ANKIB1: variants seen among roughly 807,000 people sequenced by gnomAD.
ANKIB1 encodes ankyrin repeat and IBR domain containing 1.
In ANKIB1, 43 loss-of-function variants were observed where a neutral mutation model predicts 122.1. The ratio of observed to expected loss-of-function variants is 0.35; its 90% CI spans 0.28 to 0.45. ANKIB1 has a LOEUF of 0.45. Among genes scored for constraint, ANKIB1 ranks in the 20% least tolerant of loss-of-function variants. The probability of loss-of-function intolerance (pLI) is 1.00; values close to 1 mark genes in which losing one functional copy is unlikely to be tolerated. For missense variants in ANKIB1, 992 were observed against 1,329.5 expected (o/e 0.75, Z 3.95); for synonymous variants, 390 against 442.0 (o/e 0.88, Z 1.48).
intron 4 of ANKIB1, among the ~76,000 whole-genome samples, chr7:92,325,107 C>G (rs1238488658): frequency 6.6e-6 from 1 of 152,088 alleles, no homozygotes; most frequent in Non-Finnish European, 1.5e-5. Context: ...GAGTATTAGA[C>G]CTAGGTTGGG....
In ANKIB1 at chr7:92,386,636, C is replaced by T. The variant is rs761070166; in HGVS notation, c.1745C>T (p.Thr582Ile). The change falls in exon 12 of 20, where the codon ACT (threonine) becomes ATT (isoleucine). Residue 582 changes from threonine (T) to isoleucine (I), a missense_variant. Physicochemically the swap from Thr to Ile is moderately conservative, Grantham distance 89. Transcript: ENST00000265742. ...QHVEEQSKEM[T>I]VEAEKKHKRF... The stretch of plus-strand genomic sequence containing the variant: ...GTGGAGGAGCAATCCAAGGAAATGA[C>T]TGTGGAGGTAAAGAGAACCAATTAA... The T allele has an allele frequency of 6.9e-6, 11 of 1,600,000 alleles. No individual in the cohort carries two copies. The highest frequency in any genetic ancestry group is 5.1e-6 in the Non-Finnish European group (6 of 1,173,906).
intron 5 of ANKIB1, among the ~76,000 whole-genome samples, chr7:92,331,693 C>T (rs1239950086): frequency 6.6e-6 from 1 of 152,102 alleles, no homozygotes; most frequent in Non-Finnish European, 1.5e-5. Context: ...ATGAGCCACT[C>T]CTGTAAGTGG....
At chr7:92,302,892 A>G (rs1802485233) in intron 2 of ANKIB1, among the ~76,000 whole-genome samples, 1 of 152,220 alleles carries the variant, frequency 6.6e-6, no homozygotes, top group Admixed American at 6.5e-5. Context: ...CAATATCCCT[A>G]ACTTCTAGAA....
intron 3 of ANKIB1, among the ~76,000 whole-genome samples, chr7:92,308,080 C>A (rs1416700898): frequency 6.6e-6 from 1 of 151,908 alleles, no homozygotes; most frequent in Non-Finnish European, 1.5e-5. Context: ...CCATGTTGGC[C>A]AGGATGGTCT....
chr7:92,345,728 A>G (rs544600067), intron 7 of ANKIB1, among the ~76,000 whole-genome samples: 3 of 152,082 alleles, frequency 2.0e-5, no homozygotes, highest in Non-Finnish European at 4.4e-5. Context: ...ACACAAAGCT[A>G]TTGTTTGATG....
At position 92,246,443 on chromosome 7, in the gene ANKIB1, T is replaced by C; in HGVS notation, c.-167T>C. 1.9e-6 allele frequency: 1 copy of C among 517,900 alleles called. No homozygotes were observed. 32.1% of individuals were successfully genotyped at this position (517,900 alleles called of 1,614,324 possible). ...GTACCTGAGGTCACCAGCTCGGCTG[T>C]AGAGGCAGGGGCGGCGGAGGCGGAA... On this transcript the variant is annotated 5_prime_UTR_variant, in exon 1 of 20. Coordinates refer to ENST00000265742, the MANE Select transcript of ANKIB1 (RefSeq NM_019004.2).
chr7:92,351,720 G>GTTT (rs1018424517), intron 8 of ANKIB1, among the ~76,000 whole-genome samples: 20 of 116,650 alleles, frequency 1.7e-4, no homozygotes, highest in Non-Finnish European at 2.0e-4. Flanking sequence ...TTTTTTTTTT[G>GTTT]TTTTTTTTTT....
intron 9 of ANKIB1, among the ~76,000 whole-genome samples, chr7:92,355,819 A>C (rs1009929948): frequency 1.3e-5 from 2 of 150,954 alleles, no homozygotes; most frequent in African/African-American, 4.9e-5. Context: ...ACTGCACTCC[A>C]GCCCAGGCAA....
chr7:92,255,742 AT>A (rs1005438982), intron 1 of ANKIB1, among the ~76,000 whole-genome samples: 24 of 152,094 alleles, frequency 1.6e-4, no homozygotes, highest in African/African-American at 5.5e-4. Flanking sequence ...AAGCCCCAGA[AT>A]TTTTTTTCTT....
At chr7:92,351,226 A>T in intron 8 of ANKIB1, 132 bp downstream of exon 8, 1 of 778,704 alleles carries the variant, frequency 1.3e-6, no homozygotes, top group Non-Finnish European at 1.8e-6. Context: ...ACACTTTATC[A>T]GAAAAGTTGC....
chr7:92,348,377 C>A (rs1410446821), intron 7 of ANKIB1, among the ~76,000 whole-genome samples: 1 of 148,368 alleles, frequency 6.7e-6, no homozygotes, highest in African/African-American at 2.5e-5. Flanking sequence ...TACTTTTAGT[C>A]TTTAAGACTT....
intron 1 of ANKIB1, among the ~76,000 whole-genome samples, chr7:92,251,403 G>T (rs1801327591): frequency 6.6e-6 from 1 of 152,014 alleles, no homozygotes; most frequent in Non-Finnish European, 1.5e-5. Context: ...TTCAGCCAGG[G>T]TTTTCATTCT....
At chr7:92,390,794 C>A (rs939140624) in intron 15 of ANKIB1, among the ~76,000 whole-genome samples, 2 of 152,170 alleles carry the variant, frequency 1.3e-5, no homozygotes, top group Admixed American at 6.6e-5. Flanking sequence ...TGCACTATGG[C>A]ATCATGCATT....
At position 92,373,300 on chromosome 7, in the gene ANKIB1, G is replaced by A. The variant is rs181479841; in HGVS notation, c.1617+1693G>A. 5.3e-5 allele frequency among the ~76,000 whole-genome samples: 8 copies of A among 152,156 alleles called. No individual in the cohort carries two copies. In the East Asian group the frequency reaches 1.5e-3, roughly 29 times the overall value. On this transcript the variant is annotated intron_variant, in intron 11 of 19. Coordinates refer to ENST00000265742, the MANE Select transcript of ANKIB1 (RefSeq NM_019004.2). ...ATAGATGTATAAAGAACTATCAAAT[G>A]ACAATAAAAATTTATAGTTGGCTGC...
intron 2 of ANKIB1, among the ~76,000 whole-genome samples, chr7:92,306,075 G>A (rs1802556248): frequency 6.7e-6 from 1 of 150,230 alleles, no homozygotes; most frequent in African/African-American, 2.5e-5. Context: ...AGGGGAGGAG[G>A]TCTGTTAATA....
In ANKIB1 at chr7:92,400,188, T is replaced by C. The variant is rs1359055468; in HGVS notation, c.*1239T>C. On this transcript the variant is annotated 3_prime_UTR_variant, in exon 20 of 20. Transcript: ENST00000265742. ...TAAATGTTCAATCAGTTTGTTTGCC[T>C]AACTAGCAAATGCTGACATGTGTTT... 2.0e-5 allele frequency: 3 copies of C among 152,240 alleles called. No homozygotes were observed. Among genetic ancestry groups the C allele is most frequent in the Admixed American group, 1.3e-4 (2 of 15,280 alleles). The allele number at this position is 152,240 out of a possible 1,614,324, so 9.4% of individuals were successfully genotyped here.
chr7:92,351,072 G>A lies in ANKIB1; in HGVS notation c.1208G>A (p.Arg403Gln). The A allele has an allele frequency of 6.3e-7, 1 of 1,575,610 alleles. No individual in the cohort carries two copies. Among genetic ancestry groups the A allele is most frequent in the Non-Finnish European group, 8.6e-7 (1 of 1,160,544 alleles). Reference sequence around the variant, plus strand: ...GTAGTTTCAAAGGAGATGGACAAACGATACCTACAGTTTGATATTAAGGTA... The same window carrying A: ...GTAGTTTCAAAGGAGATGGACAAACAATACCTACAGTTTGATATTAAGGTA... ...ESVVSKEMDKRYLQFDIKAFV... is the reference protein window; with the variant it reads ...ESVVSKEMDKQYLQFDIKAFV... Residue 403 changes from arginine to glutamine, a missense_variant, in exon 8 of 20, where the codon CGA becomes CAA. By Grantham distance (43) the Arg-to-Gln change is conservative (BLOSUM62 1). Transcript: ENST00000265742.
rs767407554 is a variant in ANKIB1 at position 92,260,682 on chromosome 7, C to CA, written c.-91+14178dup. Among the ~76,000 whole-genome samples the CA allele has an allele frequency of 5.4e-3, 626 of 115,362 alleles. 1 individual carries two copies. Among genetic ancestry groups the CA allele is most frequent in the African/African-American group, 9.3e-3 (286 of 30,732 alleles). 75.7% of individuals were successfully genotyped at this position (115,362 alleles called of 152,430 possible). ...TGAGTCACAAAGCGAGACCCTGTCT[C>CA]AAAAAAAAAAAAAAAGTCATTTTGG... On this transcript the variant is annotated intron_variant, in intron 1 of 19. Coordinates refer to ENST00000265742, the MANE Select transcript of ANKIB1 (RefSeq NM_019004.2).
intron 1 of ANKIB1, among the ~76,000 whole-genome samples, chr7:92,289,143 G>A (rs1802196941): frequency 6.6e-6 from 1 of 152,194 alleles, no homozygotes; most frequent in Non-Finnish European, 1.5e-5. Context: ...GATTAAACAA[G>A]TAGTGGTATA....
Sources: gnomAD v4.1 joint callset for allele counts (sites outside exome capture counted in the v4.1 genomes callset) on GRCh38, gnomAD v4.1.1 for gene constraint, MANE v1.5 for transcripts, NCBI Gene and HGNC (gene_info 2026-07-23, HGNC 2026-07-21) for gene names.